LSM3: variants seen among roughly 807,000 people sequenced by gnomAD.
LSM3 encodes the protein LSM3 homolog, U6 small nuclear RNA and mRNA degradation associated.
Under a neutral mutation model 15.4 loss-of-function variants are expected in LSM3, and 14 were observed. That is an observed-to-expected ratio of 0.91 (90% confidence interval 0.60 to 1.42). The LOEUF (loss-of-function observed/expected upper bound fraction) is 1.42, where lower values mean the gene tolerates loss of function less well. LSM3 is among the 40% of genes most tolerant of loss of function. The probability of loss-of-function intolerance (pLI) is 0.00; values close to 1 mark genes in which losing one functional copy is unlikely to be tolerated. For synonymous variants in LSM3, 46 were observed against 45.1 expected (o/e 1.02, Z -0.08); for missense variants, 88 against 127.9 (o/e 0.69, Z 1.50).
chr3:14,194,968 T>C (rs1452232703), intron 3 of LSM3, among the ~76,000 whole-genome samples: 1 of 152,038 alleles, frequency 6.6e-6, no homozygotes, highest in Non-Finnish European at 1.5e-5. Context: ...CTGGTGGGCA[T>C]ATTAGTTCGT....
At chr3:14,181,829 C>T (rs918045142) in intron 2 of LSM3, among the ~76,000 whole-genome samples, 159 bp downstream of exon 2, 9 of 152,172 alleles carry the variant, frequency 5.9e-5, no homozygotes, top group African/African-American at 2.2e-4. Context: ...CATGTATTCA[C>T]ATTTTTAACA....
At chr3:14,182,795 A>C (rs1051837375) in intron 2 of LSM3, among the ~76,000 whole-genome samples, 10 of 152,264 alleles carry the variant, frequency 6.6e-5, no homozygotes. Context: ...TTTGCAGTGT[A>C]GGAAGCTCAG....
chr3:14,192,981 A>C (rs377749714), intron 3 of LSM3, among the ~76,000 whole-genome samples: 3 of 152,222 alleles, frequency 2.0e-5, no homozygotes, highest in African/African-American at 4.8e-5. Flanking sequence ...GGTGGTGACA[A>C]AATCCCTCAG....
At position 14,198,045 on chromosome 3, in the gene LSM3, C is replaced by G; in HGVS notation, c.238C>G (p.Arg80Gly). The change falls in exon 4 of 4, where the codon CGG becomes GGG. Residue 80 changes from arginine (R) to glycine (G), a missense_variant. Arg to Gly is a moderately radical substitution (Grantham distance 125, BLOSUM62 -2). Transcript: ENST00000306024. ...TYEEIYKSTK[R>G]NIPMLFVRGD... ...TTTTTTTCTCTTCTAGTCAACGAAA[C>G]GGAATATTCCAATGCTCTTTGTCCG... is the stretch of plus-strand genomic sequence containing the variant. 6.2e-7 allele frequency: 1 copy of G among 1,613,212 alleles called. No individual in the cohort carries two copies. Among genetic ancestry groups the G allele is most frequent in the Non-Finnish European group, 8.5e-7 (1 of 1,179,456 alleles).
At chr3:14,186,854 T>C (rs1191949863) in intron 3 of LSM3, among the ~76,000 whole-genome samples, 1 of 152,252 alleles carries the variant, frequency 6.6e-6, no homozygotes, top group South Asian at 2.1e-4. Context: ...CATAGTTTAA[T>C]TGGCAAAATT....
At chr3:14,185,560 G>T (rs548573066) in intron 3 of LSM3, among the ~76,000 whole-genome samples, 1 of 152,176 alleles carries the variant, frequency 6.6e-6, no homozygotes, top group Non-Finnish European at 1.5e-5. Context: ...ATGAGTTGTT[G>T]TTGTAATTGA....
At chr3:14,196,910 G>A (rs1697192461) in intron 3 of LSM3, among the ~76,000 whole-genome samples, 1 of 152,222 alleles carries the variant, frequency 6.6e-6, no homozygotes. Context: ...CCAGTAACCT[G>A]TCTAAGCTCT....
chr3:14,189,750 G>T (rs1442078834), intron 3 of LSM3, among the ~76,000 whole-genome samples: 1 of 152,044 alleles, frequency 6.6e-6, no homozygotes. Context: ...TCTGTAGGTT[G>T]CCTGTTCACT....
chr3:14,197,036 A>C (rs536122822), intron 3 of LSM3, among the ~76,000 whole-genome samples: 1 of 152,248 alleles, frequency 6.6e-6, no homozygotes, highest in African/African-American at 2.4e-5. Context: ...TTGGGTGGAA[A>C]GACAACACCC....
chr3:14,183,083 A>G (rs1325499385), intron 2 of LSM3, among the ~76,000 whole-genome samples: 1 of 152,234 alleles, frequency 6.6e-6, no homozygotes, highest in African/African-American at 2.4e-5. Flanking sequence ...AGGCTTCTTC[A>G]GTTCCCTGTG....
intron 3 of LSM3, among the ~76,000 whole-genome samples, chr3:14,191,649 T>TG (rs1417069752): frequency 1.3e-5 from 2 of 152,210 alleles, no homozygotes; most frequent in Non-Finnish European, 2.9e-5. Flanking sequence ...CATTTTTTAT[T>TG]GCGTCTATTT....
Position 14,181,644 on chromosome 3 carries a change from G to C in LSM3, c.106G>C (p.Asp36His). The change falls in exon 2 of 4, where the codon GAC becomes CAC. Residue 36 changes from aspartate to histidine, a missense_variant. Asp to His is a moderately conservative substitution (Grantham distance 81, BLOSUM62 -1). Coordinates refer to ENST00000306024, the MANE Select transcript of LSM3 (RefSeq NM_014463.3). ...DERIYVKMRN[D>H]RELRGRLHAY... ...GCGAATTTATGTGAAAATGAGAAAT[G>C]ACCGAGAGCTTCGAGGCAGATTACA... 1 of 1,613,688 alleles carries C rather than the reference G, an allele frequency of 6.2e-7. No homozygotes were observed. Among genetic ancestry groups the C allele is most frequent in the Non-Finnish European group, 8.5e-7 (1 of 1,179,616 alleles).
chr3:14,180,359 G>A (rs1280460169), intron 1 of LSM3, among the ~76,000 whole-genome samples: 1 of 151,786 alleles, frequency 6.6e-6, no homozygotes. Context: ...CGTGATCTCA[G>A]CTCACTGCAA....
intron 3 of LSM3, among the ~76,000 whole-genome samples, chr3:14,186,400 A>G (rs1203714114): frequency 2.0e-5 from 3 of 152,152 alleles, no homozygotes; most frequent in African/African-American, 7.2e-5. Flanking sequence ...CCCACTTCAT[A>G]CAACTGTGGA....
At chr3:14,182,413 C>T (rs1355815245) in intron 2 of LSM3, among the ~76,000 whole-genome samples, 2 of 151,288 alleles carry the variant, frequency 1.3e-5, no homozygotes, top group African/African-American at 4.9e-5. Context: ...TTTTTAATGA[C>T]TACCTAGGAT....
chr3:14,192,394 C>T (rs895934827), intron 3 of LSM3, among the ~76,000 whole-genome samples: 5 of 152,086 alleles, frequency 3.3e-5, no homozygotes, highest in East Asian at 1.9e-4. Flanking sequence ...TAAAGTCTCC[C>T]GCAATTATTG....
intron 3 of LSM3, among the ~76,000 whole-genome samples, chr3:14,184,455 A>G (rs1261734124): frequency 2.0e-5 from 3 of 152,192 alleles, no homozygotes; most frequent in Non-Finnish European, 4.4e-5. Context: ...TTAAATATTT[A>G]TTCATTAAAA....
chr3:14,181,222 C>T (rs375384360), intron 1 of LSM3, among the ~76,000 whole-genome samples: 1 of 152,030 alleles, frequency 6.6e-6, no homozygotes, highest in African/African-American at 2.4e-5. Flanking sequence ...AGCTAAAGTC[C>T]CTGAGACCCT....
chr3:14,189,165 G>A (rs552900620), intron 3 of LSM3, among the ~76,000 whole-genome samples: 1 of 152,294 alleles, frequency 6.6e-6, no homozygotes, highest in East Asian at 1.9e-4. Context: ...GTATTCCATG[G>A]TGTATATGTG....
Sources: allele counts gnomAD v4.1 joint callset (sites outside exome capture counted in the v4.1 genomes callset), GRCh38; gene constraint gnomAD v4.1.1; transcripts MANE v1.5; gene names NCBI Gene and HGNC (gene_info 2026-07-23, HGNC 2026-07-21).